Variants in ANKRD10 observed in about 807,000 individuals in gnomAD.
ANKRD10 encodes the protein ankyrin repeat domain 10.
ANKRD10 carries 14 observed loss-of-function variants against 27.0 expected under a neutral mutation model. The observed-to-expected ratio is 0.52, with a 90% confidence interval of 0.34 to 0.81. ANKRD10 has a LOEUF of 0.81. Ranked by LOEUF, ANKRD10 falls within the 40% of genes least tolerant of loss-of-function variation. The pLI is 0.01. For synonymous variants in ANKRD10, 250 were observed against 224.5 expected (o/e 1.11, Z -1.01); for missense variants, 493 against 544.0 (o/e 0.91, Z 0.93).
At chr13:110,889,791 T>C (rs1376575517) in intron 4 of ANKRD10, among the ~76,000 whole-genome samples, 1 of 152,236 alleles carries the variant, frequency 6.6e-6, no homozygotes, top group Non-Finnish European at 1.5e-5. Flanking sequence ...TGGAAGTAAT[T>C]ACTTTTGTAA....
intron 3 of ANKRD10, among the ~76,000 whole-genome samples, chr13:110,897,748 T>C (rs1460408087): frequency 6.6e-6 from 1 of 152,206 alleles, no homozygotes; most frequent in Non-Finnish European, 1.5e-5. Flanking sequence ...GGTAGTTCTA[T>C]TTTTAGTTTG....
At chr13:110,907,692 C>T (rs1484639099) in intron 2 of ANKRD10, among the ~76,000 whole-genome samples, 1 of 152,104 alleles carries the variant, frequency 6.6e-6, no homozygotes, top group East Asian at 1.9e-4. Flanking sequence ...AACCATGCGG[C>T]TATAAACTAT....
At chr13:110,902,637 A>G (rs1206651147) in intron 3 of ANKRD10, among the ~76,000 whole-genome samples, 2 of 152,222 alleles carry the variant, frequency 1.3e-5, no homozygotes, top group Admixed American at 1.3e-4. Context: ...AAAAATAATT[A>G]AGTTAAAATA....
At chr13:110,908,577 C>A (rs2065603275) in intron 2 of ANKRD10, among the ~76,000 whole-genome samples, 1 of 152,086 alleles carries the variant, frequency 6.6e-6, no homozygotes, top group African/African-American at 2.4e-5. Flanking sequence ...TAAATGGACA[C>A]AACAAAGGAG....
intron 3 of ANKRD10, chr13:110,899,180 A>C (rs545387490): frequency 6.6e-6 from 1 of 152,272 alleles, no homozygotes; most frequent in Non-Finnish European, 1.5e-5. Context: ...ATCAGTAGTA[A>C]AGTTCATCCG....
chr13:110,891,580 G>C (rs2065074333), intron 4 of ANKRD10, among the ~76,000 whole-genome samples: 2 of 152,158 alleles, frequency 1.3e-5, no homozygotes, highest in East Asian at 3.9e-4. Flanking sequence ...CAACTTTATA[G>C]GGAAAAAATG....
At chr13:110,894,425 A>AAAAAAAC (rs1158744820) in intron 3 of ANKRD10, 1 of 295,910 alleles carries the variant, frequency 3.4e-6, no homozygotes, top group Non-Finnish European at 6.2e-6. Flanking sequence ...AAAAAAAAAA[A>AAAAAAAC]AACCCCGCAT....
intron 3 of ANKRD10, among the ~76,000 whole-genome samples, chr13:110,905,483 G>A (rs1416395329): frequency 1.3e-5 from 2 of 152,182 alleles, no homozygotes; most frequent in East Asian, 3.8e-4. Context: ...CAAGCTTGAG[G>A]TCTTTAATGT....
At position 110,888,171 on chromosome 13, in the gene ANKRD10, C is replaced by CG. The variant is rs548187676; in HGVS notation, c.692-4379dup. ...AGGGAACTGAGTGCTCTGGAAAGAC[C>CG]GGGGGGGACTGGGGGTTTGGCTCAA... On this transcript the variant is annotated intron_variant, in intron 4 of 5. Transcript: ENST00000267339. Among the ~76,000 whole-genome samples, 38 of 150,682 alleles carry CG rather than the reference C, an allele frequency of 2.5e-4. No individual in the cohort carries two copies. In the East Asian group the frequency reaches 3.1e-3, roughly 12 times the overall value.
rs1594519531 is a variant in ANKRD10 at position 110,879,408 on chromosome 13, G to A, written c.*229C>T. ...TTGGCATCAGAAAAACTCCAAAAGT[G>A]CACCTTATAAAAAGGACACCTCACT... is the stretch of plus-strand genomic sequence containing the variant. On this transcript the variant is annotated 3_prime_UTR_variant, in exon 6 of 6. Coordinates refer to ENST00000267339, the MANE Select transcript of ANKRD10 (RefSeq NM_017664.4). The A allele has an allele frequency of 5.9e-6, 3 of 512,652 alleles. No homozygotes were observed. The highest frequency in any genetic ancestry group is 6.2e-5 in the South Asian group (2 of 32,062). The allele number at this position is 512,652 out of a possible 1,614,324, so 31.8% of individuals were successfully genotyped here.
At chr13:110,913,885 G>A (rs1005964080) in intron 1 of ANKRD10, among the ~76,000 whole-genome samples, 1 of 152,218 alleles carries the variant, frequency 6.6e-6, no homozygotes, top group Non-Finnish European at 1.5e-5. Context: ...CGACTTCACA[G>A]ATGAGGAAAC....
intron 4 of ANKRD10, among the ~76,000 whole-genome samples, chr13:110,886,144 G>A (rs577884712): frequency 6.6e-6 from 1 of 152,378 alleles, no homozygotes; most frequent in African/African-American, 2.4e-5. Context: ...CACCCTGAAG[G>A]CAGAGGTGCC....
At chr13:110,902,049 GAAAAAAAA>G (rs10656736) in intron 3 of ANKRD10, among the ~76,000 whole-genome samples, 12 of 115,418 alleles carry the variant, frequency 1.0e-4, no homozygotes, top group South Asian at 3.1e-4. Context: ...TCTCTTTTTA[GAAAAAAAA>G]AAAAAAAAAA....
At chr13:110,891,747 A>T (rs1452189873) in intron 4 of ANKRD10, among the ~76,000 whole-genome samples, 1 of 152,006 alleles carries the variant, frequency 6.6e-6, no homozygotes, top group Non-Finnish European at 1.5e-5. Flanking sequence ...CAACGGGCAA[A>T]ACTTTGTGCT....
chr13:110,914,977 G>GCGTCGGGGAGGACT lies in ANKRD10; in HGVS notation c.-57_-44dup. On this transcript the variant is annotated 5_prime_UTR_variant, in exon 1 of 6. Transcript: ENST00000267339. ...CGCGGGGCTCGCTGGCCTAGAGGACGCGTCGGGGAGGACTCGAGAAGCCGC... is the reference window on the plus strand; with the variant it reads ...CGCGGGGCTCGCTGGCCTAGAGGACGCGTCGGGGAGGACTCGTCGGGGAGGACTCGAGAAGCCGC... 6.6e-7 allele frequency: 1 copy of GCGTCGGGGAGGACT among 1,508,602 alleles called. No homozygotes were observed. The highest frequency in any genetic ancestry group is 8.8e-7 in the Non-Finnish European group (1 of 1,133,304). 93.5% of individuals were successfully genotyped at this position (1,508,602 alleles called of 1,614,324 possible).
chr13:110,879,524 A>G lies in ANKRD10; in HGVS notation c.*113T>C. ...CGAAGTTTACTTTTTCAGAAAGTTG[A>G]AGTATATAAAAAACGTACAAGTTGT... is the stretch of plus-strand genomic sequence containing the variant. On this transcript the variant is annotated 3_prime_UTR_variant, in exon 6 of 6. Coordinates refer to ENST00000267339, the MANE Select transcript of ANKRD10 (RefSeq NM_017664.4). 1.2e-6 allele frequency: 1 copy of G among 803,308 alleles called. No homozygotes were observed. The highest frequency in any genetic ancestry group is 2.0e-6 in the Non-Finnish European group (1 of 510,116). The allele number at this position is 803,308 out of a possible 1,614,324, so 49.8% of individuals were successfully genotyped here. A position where few individuals can be genotyped will look rare whatever the true frequency, so the allele number is the denominator to read the frequency against.
intron 4 of ANKRD10, among the ~76,000 whole-genome samples, chr13:110,887,386 C>T (rs1373511611): frequency 6.6e-6 from 1 of 152,150 alleles, no homozygotes; most frequent in African/African-American, 2.4e-5. Flanking sequence ...ACTACAGAGG[C>T]TTATGGGAGT....
At chr13:110,883,655 A>G (rs1218259915) in intron 5 of ANKRD10, 43 bp downstream of exon 5, 2 of 1,610,432 alleles carry the variant, frequency 1.2e-6, no homozygotes, top group Admixed American at 3.3e-5. Flanking sequence ...GTCTTCAACC[A>G]TTGGATTGTT....
In ANKRD10 at chr13:110,890,393, C is replaced by T. The variant is rs1489305115; in HGVS notation, c.691+2635G>A. Among the ~76,000 whole-genome samples the T allele has an allele frequency of 3.9e-5, 6 of 152,210 alleles. No homozygotes were observed. In the East Asian group the frequency reaches 5.8e-4, roughly 15 times the overall value. On this transcript the variant is annotated intron_variant, in intron 4 of 5. Transcript: ENST00000267339. Reference sequence around the variant, plus strand: ...AAAATCACCTTTTCCCATAGGGAAACGAGTGGTGGGAGTGCAGGTGAGCTA... The same window carrying T: ...AAAATCACCTTTTCCCATAGGGAAATGAGTGGTGGGAGTGCAGGTGAGCTA...
Sources: allele counts gnomAD v4.1 joint callset (sites outside exome capture counted in the v4.1 genomes callset), GRCh38; gene constraint gnomAD v4.1.1; transcripts MANE v1.5; gene names NCBI Gene and HGNC (gene_info 2026-07-23, HGNC 2026-07-21).